Variants in GAB2 observed in about 807,000 individuals in gnomAD.
GAB2 encodes the protein GRB2-associated-binding protein 2.
Under a neutral mutation model 65.5 loss-of-function variants are expected in GAB2, and 26 were observed. The observed-to-expected ratio is 0.40, with a 90% CI of 0.29 to 0.55. GAB2 has a LOEUF of 0.55. Among genes scored for constraint, GAB2 ranks in the 20% least tolerant of loss-of-function variants. GAB2 has a pLI of 0.53. For missense variants in GAB2, 884 were observed against 875.8 expected (o/e 1.01, Z -0.12); for synonymous variants, 321 against 329.6 (o/e 0.97, Z 0.28).
intron 1 of GAB2, among the ~76,000 whole-genome samples, chr11:78,390,949 A>T (rs1032430002): frequency 2.6e-5 from 4 of 152,236 alleles, no homozygotes; most frequent in African/African-American, 9.6e-5. Context: ...ACCAAGTAAG[A>T]TTTCCAGCAG....
chr11:78,384,524 A>G (rs181803299), intron 1 of GAB2, among the ~76,000 whole-genome samples: 116 of 152,356 alleles, frequency 7.6e-4, no homozygotes, highest in African/African-American at 2.8e-3. Context: ...AAGGGGACCC[A>G]GAACTGGGTG....
At chr11:78,242,836 C>A (rs1865178719) in intron 3 of GAB2, among the ~76,000 whole-genome samples, 1 of 152,038 alleles carries the variant, frequency 6.6e-6, no homozygotes, top group South Asian at 2.1e-4. Flanking sequence ...AGTAGCAAGA[C>A]TGACCAAGAA....
intron 1 of GAB2, among the ~76,000 whole-genome samples, chr11:78,323,789 T>C (rs1466052099): frequency 4.3e-5 from 6 of 139,704 alleles, no homozygotes; most frequent in Non-Finnish European, 7.6e-5. Context: ...CCTGAATCTT[T>C]CTTTTTTTTT....
chr11:78,247,004 G>A (rs989046814), intron 3 of GAB2, among the ~76,000 whole-genome samples: 4 of 152,170 alleles, frequency 2.6e-5, no homozygotes, highest in African/African-American at 9.7e-5. Flanking sequence ...CCCTTCTCCA[G>A]CTCTCTTCAT....
chr11:78,228,383 T>A (rs1864749311), intron 3 of GAB2, among the ~76,000 whole-genome samples: 1 of 152,236 alleles, frequency 6.6e-6, no homozygotes, highest in Non-Finnish European at 1.5e-5. Context: ...TTGGAGGCTA[T>A]AGGAGTTTTT....
intron 1 of GAB2, among the ~76,000 whole-genome samples, chr11:78,322,295 T>A (rs1855739347): frequency 1.7e-5 from 1 of 57,200 alleles, no homozygotes. Flanking sequence ...GGAGACTCTG[T>A]CTCAAAAAAA....
intron 1 of GAB2, among the ~76,000 whole-genome samples, chr11:78,391,948 A>T (rs1000771854): frequency 3.4e-4 from 52 of 152,224 alleles, no homozygotes; most frequent in African/African-American, 1.1e-3. Flanking sequence ...GCTATAGAAA[A>T]TATGAAAACT....
At chr11:78,231,151 G>A (rs552102183) in intron 3 of GAB2, among the ~76,000 whole-genome samples, 30 of 152,292 alleles carry the variant, frequency 2.0e-4, no homozygotes, top group South Asian at 8.3e-4. Flanking sequence ...GGAGCAGGAA[G>A]ATACTCAAAC....
chr11:78,407,726 G>T (rs1005556330), intron 1 of GAB2, among the ~76,000 whole-genome samples: 4 of 135,982 alleles, frequency 2.9e-5, no homozygotes, highest in Admixed American at 7.3e-5. Flanking sequence ...GTCCCAAAAA[G>T]AAAGAAAGAA....
At chr11:78,265,830 G>C (rs1865860553) in intron 2 of GAB2, among the ~76,000 whole-genome samples, 1 of 152,124 alleles carries the variant, frequency 6.6e-6, no homozygotes, top group Admixed American at 6.5e-5. Context: ...CCCCAACAGT[G>C]AATTTCTCAA....
chr11:78,414,894 T>C (rs1250535478), intron 1 of GAB2, among the ~76,000 whole-genome samples: 2 of 152,184 alleles, frequency 1.3e-5, no homozygotes, highest in Non-Finnish European at 2.9e-5. Flanking sequence ...TTCTTTGAAA[T>C]GGAGTCTCGT....
chr11:78,276,126 AAAG>A (rs1300021870), intron 2 of GAB2, among the ~76,000 whole-genome samples: 10 of 151,298 alleles, frequency 6.6e-5, no homozygotes, highest in Non-Finnish European at 1.2e-4. Context: ...AAAAAAAAAA[AAAG>A]AAGAAGAAAA....
At chr11:78,312,200 A>G (rs1033269091) in intron 1 of GAB2, among the ~76,000 whole-genome samples, 4 of 151,822 alleles carry the variant, frequency 2.6e-5, no homozygotes, top group African/African-American at 9.7e-5. Context: ...AAAAAAAAAA[A>G]AGGTAATTTC....
chr11:78,260,541 G>C (rs930993841), intron 2 of GAB2, among the ~76,000 whole-genome samples: 2 of 149,748 alleles, frequency 1.3e-5, no homozygotes, highest in East Asian at 2.0e-4. Flanking sequence ...GTGCGATCTT[G>C]GCTCACTGAA....
chr11:78,303,514 AAT>A (rs533903863), intron 1 of GAB2, among the ~76,000 whole-genome samples: 2 of 152,148 alleles, frequency 1.3e-5, no homozygotes, highest in Non-Finnish European at 2.9e-5. Flanking sequence ...CCTATGTTTA[AAT>A]AATATCATTT....
intron 2 of GAB2, among the ~76,000 whole-genome samples, chr11:78,265,188 G>A (rs1357191339): frequency 8.8e-6 from 1 of 114,210 alleles, no homozygotes; most frequent in Non-Finnish European, 1.9e-5. Flanking sequence ...TGTAATAAAC[G>A]GGCCTTCTAT....
At chr11:78,223,898 T>C (rs1408256366) in intron 5 of GAB2, among the ~76,000 whole-genome samples, 2 of 152,076 alleles carry the variant, frequency 1.3e-5, no homozygotes, top group East Asian at 3.9e-4. Flanking sequence ...TTGGCCAACA[T>C]GGCAAAACCT....
intron 3 of GAB2, among the ~76,000 whole-genome samples, chr11:78,249,713 T>G (rs1479315183): frequency 1.3e-5 from 2 of 152,198 alleles, no homozygotes; most frequent in Non-Finnish European, 2.9e-5. Flanking sequence ...TTTTAATTAA[T>G]TTAAATTTAT....
At chr11:78,326,089 C>T (rs138072605) in intron 1 of GAB2, among the ~76,000 whole-genome samples, 2 of 152,268 alleles carry the variant, frequency 1.3e-5, no homozygotes, top group East Asian at 3.9e-4. Flanking sequence ...TATACAATGT[C>T]TTCCCCCTTT....
Sources: gnomAD v4.1 joint callset for allele counts (sites outside exome capture counted in the v4.1 genomes callset) on GRCh38, gnomAD v4.1.1 for gene constraint, MANE v1.5 for transcripts, NCBI Gene and HGNC (gene_info 2026-07-23, HGNC 2026-07-21) for gene names.